Variants in ATP8B4 observed in about 807,000 individuals in gnomAD.
ATP8B4 encodes probable phospholipid-transporting ATPase IM.
A neutral mutation model predicts 145.6 loss-of-function variants in ATP8B4; 133 were observed. The observed-to-expected ratio is 0.91, with a 90% CI of 0.79 to 1.05. The LOEUF (loss-of-function observed/expected upper bound fraction) is 1.05, where lower values mean the gene tolerates loss of function less well. ATP8B4 is among the 50% of genes least tolerant of loss of function. ATP8B4 has a pLI of 0.00. For missense variants in ATP8B4, 1,458 were observed against 1,425.2 expected (o/e 1.02, Z -0.37); for synonymous variants, 507 against 492.9 (o/e 1.03, Z -0.38).
chr15:50,130,648 C>A lies in ATP8B4; in HGVS notation c.-42-23640G>T, dbSNP rs575293563. Among the ~76,000 whole-genome samples the A allele has an allele frequency of 4.6e-5, 7 of 151,848 alleles. No individual in the cohort carries two copies. In the South Asian group the frequency reaches 1.3e-3, roughly 27 times the overall value. ...AAAATTAGCCAGGCGTGGTGGCAGGCGCCTGTAGTCCCAGCTACTCAGGAG... is the reference window on the plus strand; with the variant it reads ...AAAATTAGCCAGGCGTGGTGGCAGGAGCCTGTAGTCCCAGCTACTCAGGAG... On this transcript the variant is annotated intron_variant, in intron 1 of 3. Coordinates refer to the ATP8B4 transcript ENST00000558829.
intron 12 of ATP8B4, among the ~76,000 whole-genome samples, chr15:49,977,798 A>T (rs765052111): frequency 1.3e-5 from 2 of 152,180 alleles, no homozygotes; most frequent in Non-Finnish European, 2.9e-5. Flanking sequence ...TTATAATGTT[A>T]TCTAAAGGTA....
chr15:50,159,143 A>C (rs2044477670), intron 1 of ATP8B4, among the ~76,000 whole-genome samples: 1 of 152,234 alleles, frequency 6.6e-6, no homozygotes, highest in Admixed American at 6.5e-5. Flanking sequence ...TGAACATGAA[A>C]TATCTTTCCT....
intron 13 of ATP8B4, among the ~76,000 whole-genome samples, chr15:49,967,499 A>G (rs1599496293): frequency 1.3e-5 from 2 of 152,220 alleles, no homozygotes; most frequent in African/African-American, 4.8e-5. Context: ...AGCTGAATCG[A>G]TCAAGTGGAA....
At chr15:50,128,422 G>GCT in intron 1 of ATP8B4, among the ~76,000 whole-genome samples, 1 of 152,328 alleles carries the variant, frequency 6.6e-6, no homozygotes, top group African/African-American at 2.4e-5. Flanking sequence ...GATGCTTGAG[G>GCT]CTATGTTCCT....
chr15:50,053,156 C>T (rs1161170330), intron 3 of ATP8B4, among the ~76,000 whole-genome samples: 1 of 152,166 alleles, frequency 6.6e-6, no homozygotes, highest in Non-Finnish European at 1.5e-5. Context: ...AAGAGTTTTA[C>T]ATTTTACAGC....
chr15:50,115,037 A>G (rs1304783669), intron 1 of ATP8B4, among the ~76,000 whole-genome samples: 1 of 152,188 alleles, frequency 6.6e-6, no homozygotes, highest in Admixed American at 6.5e-5. Flanking sequence ...GACCATTCGA[A>G]TCGTGAGTGT....
intron 12 of ATP8B4, among the ~76,000 whole-genome samples, chr15:49,973,261 T>C (rs2045341543): frequency 1.3e-5 from 2 of 152,200 alleles, no homozygotes; most frequent in Admixed American, 6.5e-5. Context: ...TACTGCAATA[T>C]ATAAACTGCT....
chr15:50,164,959 G>A (rs910767038), intron 1 of ATP8B4, among the ~76,000 whole-genome samples: 1 of 152,152 alleles, frequency 6.6e-6, no homozygotes, highest in East Asian at 1.9e-4. Flanking sequence ...ATGCCATAAG[G>A]CTTCTGCCAG....
chr15:49,989,671 C>A (rs2046899992), intron 9 of ATP8B4, among the ~76,000 whole-genome samples: 1 of 151,820 alleles, frequency 6.6e-6, no homozygotes, highest in Admixed American at 6.6e-5. Flanking sequence ...CCCAATTCAG[C>A]CTTTCTCAAA....
chr15:50,151,405 A>C (rs2044345550), intron 1 of ATP8B4, among the ~76,000 whole-genome samples: 1 of 152,206 alleles, frequency 6.6e-6, no homozygotes, highest in East Asian at 1.9e-4. Flanking sequence ...CCTGCCAGAG[A>C]GTAACAACTT....
At chr15:50,165,546 A>G (rs1364451533) in intron 1 of ATP8B4, among the ~76,000 whole-genome samples, 1 of 152,182 alleles carries the variant, frequency 6.6e-6, no homozygotes, top group African/African-American at 2.4e-5. Context: ...CCTAAATAAA[A>G]AAGTTTTTAA....
chr15:50,013,664 G>A (rs778744047), intron 6 of ATP8B4, among the ~76,000 whole-genome samples: 8 of 152,054 alleles, frequency 5.3e-5, no homozygotes, highest in Non-Finnish European at 1.2e-4. Context: ...ATAAAATTTA[G>A]ATTCCAAAGG....
chr15:49,868,588 A>G (rs544670114), intron 25 of ATP8B4, among the ~76,000 whole-genome samples: 1 of 152,324 alleles, frequency 6.6e-6, no homozygotes, highest in South Asian at 2.1e-4. Context: ...AAAAATGGGA[A>G]TAGTCAGCAA....
chr15:49,981,779 A>C (rs1317750759), intron 10 of ATP8B4, among the ~76,000 whole-genome samples: 16 of 152,136 alleles, frequency 1.1e-4, no homozygotes, highest in Admixed American at 1.0e-3. Context: ...CCCCCAAAAT[A>C]CATCAGCAAG....
At chr15:50,074,048 A>G in intron 3 of ATP8B4, 79 bp downstream of exon 3, 1 of 1,294,424 alleles carries the variant, frequency 7.7e-7, no homozygotes, top group Non-Finnish European at 1.1e-6. Context: ...TGAAGTCATA[A>G]AGTTCTAGAA....
At chr15:50,119,779 T>TTTTTTTTC (rs1595620970), upstream of ATP8B4, among the ~76,000 whole-genome samples, 2 of 111,774 alleles carry the variant, frequency 1.8e-5, no homozygotes, top group African/African-American at 6.6e-5. Flanking sequence ...TTTTTTTTTT[T>TTTTTTTTC]ACAGGGGAAG....
chr15:50,089,369 A>T (rs908093524), intron 2 of ATP8B4, among the ~76,000 whole-genome samples: 2 of 152,212 alleles, frequency 1.3e-5, no homozygotes. Flanking sequence ...AAATTTTTGC[A>T]ATCTATCCAC....
rs559898838 is a variant in ATP8B4, at chr15:49,910,019, C to T, written c.2141+6915G>A. On this transcript the variant is annotated intron_variant, in intron 20 of 27. Coordinates refer to ENST00000284509, the MANE Select transcript of ATP8B4 (RefSeq NM_024837.4). ...AATGAATAGGAAATTTATGAAATTC[C>T]CATAAAAATAATTCAAAATAATGAT... Among the ~76,000 whole-genome samples the T allele has an allele frequency of 1.1e-3, 165 of 151,756 alleles. 1 individual carries two copies. Among genetic ancestry groups the T allele is most frequent in the Non-Finnish European group, 2.0e-3 (137 of 67,908 alleles).
intron 24 of ATP8B4, among the ~76,000 whole-genome samples, chr15:49,878,279 A>G (rs963201109): frequency 2.0e-4 from 31 of 152,206 alleles, no homozygotes; most frequent in African/African-American, 7.5e-4. Context: ...CTTTACATCT[A>G]AGGTCTTCAG....
Sources: gnomAD v4.1 joint callset for allele counts (sites outside exome capture counted in the v4.1 genomes callset) on GRCh38, gnomAD v4.1.1 for gene constraint, MANE v1.5 for transcripts, NCBI Gene and HGNC (gene_info 2026-07-23, HGNC 2026-07-21) for gene names.